Variants in PRELID2 observed in about 807,000 individuals in gnomAD.
PRELID2 encodes the protein PRELI domain-containing protein 2.
In PRELID2, 25 loss-of-function variants were observed where a neutral mutation model predicts 28.4. The ratio of observed to expected loss-of-function variants is 0.88; its 90% CI spans 0.64 to 1.23. PRELID2 has a LOEUF of 1.23. PRELID2 is among the 50% of genes most tolerant of loss of function. The pLI, the probability that PRELID2 is intolerant of heterozygous loss-of-function variation, is 0.00. For missense variants in PRELID2, 201 were observed against 214.4 expected, an observed-to-expected ratio of 0.94 and a Z score of 0.39; for synonymous variants, 76 against 71.6, an observed-to-expected ratio of 1.06 and a Z score of -0.31.
intron 1 of PRELID2, among the ~76,000 whole-genome samples, chr5:145,644,836 T>C (rs1383585740): frequency 6.6e-6 from 1 of 152,198 alleles, no homozygotes; most frequent in Non-Finnish European, 1.5e-5. Flanking sequence ...TGAGTGAGTT[T>C]CTTAATCCTG....
intron 1 of PRELID2, among the ~76,000 whole-genome samples, chr5:145,584,634 A>G (rs1753136119): frequency 6.8e-6 from 1 of 147,330 alleles, no homozygotes. Context: ...GGACATGAAC[A>G]TATGCTTCTC....
At chr5:145,548,854 G>C (rs1752809230) in intron 1 of PRELID2, among the ~76,000 whole-genome samples, 1 of 152,100 alleles carries the variant, frequency 6.6e-6, no homozygotes, top group African/African-American at 2.4e-5. Flanking sequence ...CTCTGAATAA[G>C]GCCCAAGGCT....
chr5:145,656,904 AAAAT>A (rs894159042), intron 1 of PRELID2, among the ~76,000 whole-genome samples: 1 of 152,066 alleles, frequency 6.6e-6, no homozygotes. Context: ...AGTATGATAA[AAAAT>A]AAATAAATAA....
At chr5:145,531,525 G>A (rs1752654952) in intron 1 of PRELID2, among the ~76,000 whole-genome samples, 1 of 152,176 alleles carries the variant, frequency 6.6e-6, no homozygotes, top group Admixed American at 6.5e-5. Context: ...ACCCTTCACT[G>A]AAAGTATGAT....
intron 1 of PRELID2, among the ~76,000 whole-genome samples, chr5:145,669,453 T>C (rs139118158): frequency 6.6e-6 from 1 of 152,224 alleles, no homozygotes; most frequent in East Asian, 1.9e-4. Context: ...AAACTCCTGT[T>C]AACTGGTCAT....
chr5:145,276,061 G>T, the PRELID2 span, among the ~76,000 whole-genome samples: 1 of 152,108 alleles, frequency 6.6e-6, no homozygotes, highest in Non-Finnish European at 1.5e-5. Context: ...CATAGCACAT[G>T]AAGAAGTTGC....
chr5:145,592,563 C>T (rs1053297316), intron 1 of PRELID2, among the ~76,000 whole-genome samples: 7 of 152,106 alleles, frequency 4.6e-5, no homozygotes, highest in Non-Finnish European at 1.0e-4. Context: ...AAATCTGCTA[C>T]TCTACATCTA....
intron 1 of PRELID2, among the ~76,000 whole-genome samples, chr5:145,516,610 C>T (rs1346867743): frequency 6.6e-6 from 1 of 152,156 alleles, no homozygotes; most frequent in African/African-American, 2.4e-5. Flanking sequence ...CTACCATTGA[C>T]TTTCTTTACA....
the PRELID2 span, chr5:145,229,184 T>C: frequency 2.2e-6 from 2 of 889,228 alleles, no homozygotes; most frequent in East Asian, 2.4e-5. Context: ...AGGGGAACGA[T>C]CAGGTCCAGT....
chr5:145,507,445 A>G (rs1752421695), intron 1 of PRELID2, among the ~76,000 whole-genome samples: 1 of 152,176 alleles, frequency 6.6e-6, no homozygotes, highest in Admixed American at 6.6e-5. Context: ...TGGGAAAGGT[A>G]GACACAACTC....
chr5:145,700,203 A>G (rs923442579), intron 1 of PRELID2, among the ~76,000 whole-genome samples: 3 of 151,026 alleles, frequency 2.0e-5, no homozygotes, highest in African/African-American at 7.3e-5. Context: ...ATCCCCCCCA[A>G]CTTTCCATCG....
the PRELID2 span, among the ~76,000 whole-genome samples, chr5:145,427,307 C>T: frequency 3.3e-5 from 5 of 152,116 alleles, no homozygotes; most frequent in African/African-American, 7.2e-5. Context: ...GAATTTTAAC[C>T]CTCTAATGTA....
chr5:145,770,617 C>T (rs536776301), intron 5 of PRELID2, among the ~76,000 whole-genome samples: 1 of 152,304 alleles, frequency 6.6e-6, no homozygotes, highest in African/African-American at 2.4e-5. Context: ...CCCCTGAAGA[C>T]TTTCCAATGG....
the PRELID2 span, among the ~76,000 whole-genome samples, chr5:145,365,701 T>C: frequency 1.3e-5 from 2 of 151,878 alleles, no homozygotes; most frequent in East Asian, 3.9e-4. Flanking sequence ...CTATAAATAA[T>C]GTGCCTCCCT....
intron 1 of PRELID2, among the ~76,000 whole-genome samples, chr5:145,743,580 A>G (rs1395512077): frequency 7.8e-6 from 1 of 128,226 alleles, no homozygotes; most frequent in Non-Finnish European, 1.7e-5. Context: ...GCGGACCACC[A>G]GAAAGCCACA....
At chr5:145,553,133 C>G (rs1271862283) in intron 1 of PRELID2, among the ~76,000 whole-genome samples, 1 of 149,282 alleles carries the variant, frequency 6.7e-6, no homozygotes, top group East Asian at 2.0e-4. Context: ...GCTCACTTTA[C>G]AAAAAGTGAT....
intron 1 of PRELID2, among the ~76,000 whole-genome samples, chr5:145,477,330 C>T (rs1396563618): frequency 1.3e-5 from 2 of 152,168 alleles, no homozygotes; most frequent in African/African-American, 4.8e-5. Flanking sequence ...AAGGTCTCTC[C>T]TCATAGAGAC....
At chr5:145,299,740 A>G in the PRELID2 span, among the ~76,000 whole-genome samples, 1 of 151,928 alleles carries the variant, frequency 6.6e-6, no homozygotes, top group African/African-American at 2.4e-5. Context: ...TTGATTATCA[A>G]TAGCCAGATC....
chr5:145,613,508 T>C (rs1753651684), intron 1 of PRELID2, among the ~76,000 whole-genome samples: 1 of 139,380 alleles, frequency 7.2e-6, no homozygotes, highest in Admixed American at 8.0e-5. Flanking sequence ...AGTGTTCTCA[T>C]TGTTCCTTGA....
Sources: gnomAD v4.1 joint callset for allele counts (sites outside exome capture counted in the v4.1 genomes callset) on GRCh38, gnomAD v4.1.1 for gene constraint, MANE v1.5 for transcripts, NCBI Gene and HGNC (gene_info 2026-07-23, HGNC 2026-07-21) for gene names.